The following SBF1 variants were observed in gnomAD, a reference collection of about 807,000 sequenced individuals.
The protein encoded by SBF1 is SET binding factor 1, also known as myotubularin-related protein 5.
SBF1 carries 65 observed loss-of-function variants against 215.8 expected under a neutral mutation model. The ratio of observed to expected loss-of-function variants is 0.30; its 90% CI spans 0.25 to 0.37. The LOEUF (loss-of-function observed/expected upper bound fraction) is 0.37. Among genes scored for constraint, SBF1 ranks in the 10% least tolerant of loss-of-function variants. SBF1 has a pLI of 1.00. For missense variants in SBF1, 2,634 were observed against 2,667.8 expected, an observed-to-expected ratio of 0.99 and a Z score of 0.28; for synonymous variants, 1,410 against 1,122.8, an observed-to-expected ratio of 1.26 and a Z score of -5.11.
At chr22:50,457,425 C>CTG in intron 28 of SBF1, 1 of 329,046 alleles carries the variant, frequency 3.0e-6, no homozygotes, top group African/African-American at 2.1e-5. Flanking sequence ...TGAGTCCCTC[C>CTG]CTCCACATCC....
Position 50,446,817 on chromosome 22 carries a change from C to T in SBF1, c.*325G>A, listed in dbSNP as rs757750146. ...CAGGCACAGGAGCGTGGCGTTAGTTCTCTCTTTATATAGACTCTGGTTCTA... is the reference window on the plus strand; with the variant it reads ...CAGGCACAGGAGCGTGGCGTTAGTTTTCTCTTTATATAGACTCTGGTTCTA... On this transcript the variant is annotated 3_prime_UTR_variant, in exon 41 of 41. Transcript: ENST00000380817. 1 of 479,692 alleles carries T rather than the reference C, an allele frequency of 2.1e-6. No individual in the cohort carries two copies. The highest frequency in any genetic ancestry group is 4.2e-6 in the Non-Finnish European group (1 of 236,718). 29.7% of individuals were successfully genotyped at this position (479,692 alleles called of 1,614,324 possible). A position where few individuals can be genotyped will look rare whatever the true frequency, so the allele number is the denominator to read the frequency against.
At chr22:50,448,840 A>C (rs1347724072) in intron 36 of SBF1, among the ~76,000 whole-genome samples, 190 bp from the exon 37 acceptor site, 1 of 152,152 alleles carries the variant, frequency 6.6e-6, no homozygotes, top group Non-Finnish European at 1.5e-5. Flanking sequence ...ACAGTTGAAA[A>C]ATTTCCCAAA....
chr22:50,464,934 G>A lies in SBF1; in HGVS notation c.1333-17C>T, dbSNP rs768090645. On this transcript the variant is annotated splice_polypyrimidine_tract_variant and intron_variant, in intron 12 of 40. Coordinates refer to ENST00000380817, the MANE Select transcript of SBF1 (RefSeq NM_002972.4). ...GGCCACCAGCTAGCGGGGTAAGCAG[G>A]AGGTTAGGTAAGCCATGGTCAGGCG... 3 of 1,613,626 alleles carry A rather than the reference G, an allele frequency of 1.9e-6. No homozygotes were observed. The highest frequency in any genetic ancestry group is 2.2e-5 in the East Asian group (1 of 44,876).
At position 50,459,308 on chromosome 22, in the gene SBF1, G is replaced by A. The variant is rs745548589; in HGVS notation, c.3773C>T (p.Ala1258Val). The A allele has an allele frequency of 1.7e-5, 28 of 1,612,036 alleles. No individual in the cohort carries two copies. Among genetic ancestry groups the A allele is most frequent in the African/African-American group, 1.5e-4 (11 of 74,928 alleles). ...VVSSMPRYAD[A>V]SGRNTLSGFS... is the part of the protein sequence containing the mutation. ...GCCGCTAAGCGTGTTGCGTCCCGAC[G>A]CGTCGGCGTAGCGGGGCATGGAGCT... The change falls in exon 28 of 41, where the codon GCG (alanine) becomes GTG (valine). Residue 1258 changes from alanine to valine, a missense_variant. Physicochemically the swap from Ala to Val is moderately conservative, Grantham distance 64. Transcript: ENST00000380817.
chr22:50,457,134 G>A, intron 28 of SBF1, 23 bp from the exon 29 acceptor site: 2 of 1,460,582 alleles, frequency 1.4e-6, no homozygotes, highest in African/African-American at 1.5e-5. Flanking sequence ...CAGAGAGAAG[G>A]CTCAGGCCTA....
At position 50,446,983 on chromosome 22, in the gene SBF1, C is replaced by T. The variant is rs988248540; in HGVS notation, c.*159G>A. Reference sequence around the variant, plus strand: ...CCAAAATAAGTTAGGGCCGGCCGGGCGGGGCGGGGCGGGGACGGGGGCTGT... The same window carrying T: ...CCAAAATAAGTTAGGGCCGGCCGGGTGGGGCGGGGCGGGGACGGGGGCTGT... On this transcript the variant is annotated 3_prime_UTR_variant, in exon 41 of 41. Transcript: ENST00000380817. 5.9e-5 allele frequency: 42 copies of T among 712,626 alleles called. No individual in the cohort carries two copies. Among genetic ancestry groups the T allele is most frequent in the Middle Eastern group, 3.7e-4 (1 of 2,704 alleles). The allele number at this position is 712,626 out of a possible 1,614,324, so 44.1% of individuals were successfully genotyped here.
intron 16 of SBF1, 56 bp downstream of exon 16, chr22:50,463,227 G>A (rs781274975): frequency 1.3e-5 from 21 of 1,600,666 alleles, no homozygotes; most frequent in South Asian, 8.9e-5. Context: ...GGGTCTGCCC[G>A]CCTGTTCCCG....
In SBF1 at chr22:50,459,256, G is replaced by A. The variant is rs762500203; in HGVS notation, c.3825C>T (p.His1275=). 1.1e-5 allele frequency: 17 copies of A among 1,597,968 alleles called. No homozygotes were observed. The highest frequency in any genetic ancestry group is 6.8e-5 in the East Asian group (3 of 44,392). ...CCGTCTGCCCACAAGCACCCTCACC[G>A]TGACTGCCCATGTGGGCTGAGGAGA... The part of the protein sequence containing the change: ...SGFSSAHMGS[H]VPSPRARVTT... Residue 1275 remains histidine (H), a splice_region_variant and synonymous_variant, in exon 28 of 41, where the codon CAC becomes CAT. Coordinates refer to ENST00000380817, the MANE Select transcript of SBF1 (RefSeq NM_002972.4).
intron 1 of SBF1, 54 bp downstream of exon 1, chr22:50,474,732 C>T: frequency 7.0e-7 from 1 of 1,418,730 alleles, no homozygotes; most frequent in Non-Finnish European, 9.3e-7. Flanking sequence ...AGCCCCTGGC[C>T]CTCAGCACTC....
At chr22:50,459,229 C>T in intron 28 of SBF1, 26 bp downstream of exon 28, 1 of 1,582,074 alleles carries the variant, frequency 6.3e-7, no homozygotes, top group Non-Finnish European at 8.6e-7. Flanking sequence ...GCCCCTGCCC[C>T]ACCGTCTGCC....
intron 14 of SBF1, 35 bp downstream of exon 14, chr22:50,464,499 G>A (rs1431764298): frequency 1.1e-5 from 18 of 1,601,338 alleles, no homozygotes; most frequent in East Asian, 9.0e-5. Context: ...CCTGGGCCAC[G>A]CTCGGGGCCT....
At chr22:50,447,480 G>A (rs374034035) in intron 39 of SBF1, 27 bp from the exon 40 acceptor site, 5 of 1,610,982 alleles carry the variant, frequency 3.1e-6, no homozygotes, top group Non-Finnish European at 3.4e-6. Flanking sequence ...AGTCAGCGGA[G>A]CCCCCTCCCC....
intron 36 of SBF1, among the ~76,000 whole-genome samples, chr22:50,450,560 T>C (rs1160737469): frequency 1.3e-5 from 2 of 150,334 alleles, no homozygotes; most frequent in Non-Finnish European, 3.0e-5. Flanking sequence ...ACCCAAATTC[T>C]AGAGGAATGC....
chr22:50,454,461 A>G, intron 36 of SBF1, 51 bp downstream of exon 36: 1 of 1,485,704 alleles, frequency 6.7e-7, no homozygotes, highest in Non-Finnish European at 9.3e-7. Flanking sequence ...CTGGTGTCTG[A>G]GCGAGAGGAG....
In SBF1 at chr22:50,456,338, C is replaced by A. The variant is rs1363394736; in HGVS notation, c.4144G>T (p.Ala1382Ser). The change falls in exon 31 of 41, where the codon GCA (alanine) becomes TCA (serine). Residue 1382 changes from alanine to serine, a missense_variant. Transcript: ENST00000380817. ...TTGAAGCTAGCCTTCACCTGCCGTG[C>A]CTCGAATACCTCAATGGGCACCAGC... ...WELVPIEVFE[A>S]RQVKASFKKL... 2 of 1,613,348 alleles carry A rather than the reference C, an allele frequency of 1.2e-6. No homozygotes were observed. Among genetic ancestry groups the A allele is most frequent in the Non-Finnish European group, 8.5e-7 (1 of 1,180,006 alleles).
intron 1 of SBF1, among the ~76,000 whole-genome samples, chr22:50,472,717 C>T (rs1051967020): frequency 3.3e-5 from 5 of 152,326 alleles, no homozygotes; most frequent in Non-Finnish European, 2.9e-5. Context: ...GTGACCCCCA[C>T]GCCACACTCC....
At position 50,447,145 on chromosome 22, in the gene SBF1, G is replaced by T; in HGVS notation, c.5679C>A (p.Ala1893=). 1.2e-6 allele frequency: 2 copies of T among 1,611,694 alleles called. No homozygotes were observed. Among genetic ancestry groups the T allele is most frequent in the Non-Finnish European group, 1.7e-6 (2 of 1,179,456 alleles). Residue 1893 remains alanine, a synonymous_variant, in exon 41 of 41, where the codon GCC becomes GCA. Transcript: ENST00000380817. ...VDRIQSCLSD[A] ...CAGCCGGGCAGGGCTGGGAGGCTCA[G>T]GCGTCCGACAGGCAGCTCTGGATCC...
chr22:50,472,630 G>A (rs981946071), intron 1 of SBF1, among the ~76,000 whole-genome samples: 2 of 152,186 alleles, frequency 1.3e-5, no homozygotes, highest in African/African-American at 4.8e-5. Context: ...TCCATCCCCA[G>A]ATGAGGAAAC....
At position 50,446,356 on chromosome 22, in the gene SBF1, T is replaced by TCGTCCC. The variant is rs1491577679; in HGVS notation, c.*785_*786insGGGACG. The TCGTCCC allele has an allele frequency of 5.7e-5, 2 of 35,048 alleles. No homozygotes were observed. The highest frequency in any genetic ancestry group is 2.6e-4 in the African/African-American group (2 of 7,646). The allele number at this position is 35,048 out of a possible 1,614,324, so 2.2% of individuals were successfully genotyped here. A position where few individuals can be genotyped will look rare whatever the true frequency, so the allele number is the denominator to read the frequency against. The stretch of plus-strand genomic sequence containing the variant: ...CCTGCATTCCCCTGGGAGCCCACTG[T>TCGTCCC]CCCCCCCCCCCCCCCGCCTCCGGCC... On this transcript the variant is annotated 3_prime_UTR_variant, in exon 41 of 41. Transcript: ENST00000380817.
Sources: allele counts gnomAD v4.1 joint callset (sites outside exome capture counted in the v4.1 genomes callset), GRCh38; gene constraint gnomAD v4.1.1; transcripts MANE v1.5; gene names NCBI Gene and HGNC (gene_info 2026-07-23, HGNC 2026-07-21).